Variants in LNP1 observed in about 807,000 individuals in gnomAD.
The protein encoded by LNP1 is leukemia NUP98 fusion partner 1.
Under a neutral mutation model 14.5 loss-of-function variants are expected in LNP1, and 12 were observed. That is an observed-to-expected ratio of 0.83 (90% CI 0.53 to 1.34). LNP1 has a LOEUF of 1.34. Ranked by LOEUF, LNP1 falls within the 40% of genes most tolerant of loss-of-function variation. LNP1 has a pLI of 0.00. For synonymous variants in LNP1, 75 were observed against 71.4 expected (o/e 1.05, Z -0.26); for missense variants, 198 against 210.9 (o/e 0.94, Z 0.38).
intron 2 of LNP1, among the ~76,000 whole-genome samples, chr3:100,434,405 A>G (rs547819591): frequency 6.6e-6 from 1 of 152,070 alleles, no homozygotes; most frequent in Non-Finnish European, 1.5e-5. Flanking sequence ...TGAGTTCTTT[A>G]TTCTGTTCCA....
Position 100,455,254 on chromosome 3 carries a change from A to G in LNP1, c.388-523A>G, listed in dbSNP as rs1481498102. 2.0e-5 allele frequency among the ~76,000 whole-genome samples: 3 copies of G among 152,330 alleles called. No individual in the cohort carries two copies. The South Asian group carries it at 6.2e-4, about 32-fold the overall frequency. The stretch of plus-strand genomic sequence containing the variant: ...ATCCTACAACAACAGTTTATGTTCA[A>G]TTAATCAGTGAATAATGTGGAATCC... On this transcript the variant is annotated intron_variant, in intron 3 of 3. Coordinates refer to ENST00000383693, the MANE Select transcript of LNP1 (RefSeq NM_001085451.2).
chr3:100,446,959 TGGAAA>T (rs1707394097), intron 2 of LNP1, among the ~76,000 whole-genome samples: 1 of 152,144 alleles, frequency 6.6e-6, no homozygotes, highest in Non-Finnish European at 1.5e-5. Context: ...CAACAGGTGC[TGGAAA>T]GGATGTGGAG....
At chr3:100,403,167 TC>T in intron 1 of LNP1, among the ~76,000 whole-genome samples, 1 of 152,372 alleles carries the variant, frequency 6.6e-6, no homozygotes, top group Admixed American at 6.5e-5. Context: ...GGTGAAAACA[TC>T]TACCTCTCAG....
intron 2 of LNP1, among the ~76,000 whole-genome samples, chr3:100,435,817 C>G (rs1408673503): frequency 6.6e-6 from 1 of 152,132 alleles, no homozygotes; most frequent in Admixed American, 6.6e-5. Flanking sequence ...ATGTATGGCC[C>G]ATGTTCACTT....
At chr3:100,415,647 A>G (rs1156614186) in intron 1 of LNP1, among the ~76,000 whole-genome samples, 1 of 152,236 alleles carries the variant, frequency 6.6e-6, no homozygotes, top group African/African-American at 2.4e-5. Flanking sequence ...ACCTCTAGAT[A>G]GACAACACAC....
At chr3:100,419,953 A>G (rs963667989) in intron 1 of LNP1, among the ~76,000 whole-genome samples, 12 of 152,088 alleles carry the variant, frequency 7.9e-5, no homozygotes, top group Non-Finnish European at 1.2e-4. Context: ...CAGGCAAACT[A>G]TTTTTCAAAG....
intron 1 of LNP1, among the ~76,000 whole-genome samples, chr3:100,425,569 T>A (rs1010432037): frequency 7.2e-5 from 11 of 152,362 alleles, no homozygotes; most frequent in African/African-American, 2.4e-4. Context: ...CGGGTTTTTT[T>A]CTTCTTTGCT....
At chr3:100,446,855 C>T (rs1020868389) in intron 2 of LNP1, among the ~76,000 whole-genome samples, 1 of 152,180 alleles carries the variant, frequency 6.6e-6, no homozygotes, top group Non-Finnish European at 1.5e-5. Flanking sequence ...AAAAAATGCT[C>T]ATCATCACTG....
intron 1 of LNP1, among the ~76,000 whole-genome samples, chr3:100,408,581 G>C (rs1445283749): frequency 6.6e-6 from 1 of 152,174 alleles, no homozygotes; most frequent in African/African-American, 2.4e-5. Context: ...GGTGATGTGG[G>C]CTGGAACTCA....
chr3:100,414,780 C>T (rs1001376896), intron 1 of LNP1, among the ~76,000 whole-genome samples: 1 of 152,152 alleles, frequency 6.6e-6, no homozygotes, highest in Non-Finnish European at 1.5e-5. Flanking sequence ...AAACTGAATT[C>T]TTCCAATGAT....
intron 1 of LNP1, among the ~76,000 whole-genome samples, chr3:100,428,987 T>C (rs1403143983): frequency 6.6e-6 from 1 of 152,166 alleles, no homozygotes; most frequent in Non-Finnish European, 1.5e-5. Flanking sequence ...ATGGAGCCAG[T>C]TGGGGTGCTG....
chr3:100,445,805 A>G (rs1290118262), intron 2 of LNP1, among the ~76,000 whole-genome samples: 3 of 152,202 alleles, frequency 2.0e-5, no homozygotes. Flanking sequence ...TATGCCATTA[A>G]CAGACAAACA....
intron 2 of LNP1, among the ~76,000 whole-genome samples, chr3:100,439,694 A>G (rs1707327776): frequency 6.6e-6 from 1 of 152,066 alleles, no homozygotes; most frequent in South Asian, 2.1e-4. Flanking sequence ...GCATTTAGCC[A>G]AGGACGTAGG....
intron 2 of LNP1, among the ~76,000 whole-genome samples, chr3:100,433,229 C>CT (rs2148904293): frequency 6.6e-6 from 1 of 152,292 alleles, no homozygotes; most frequent in South Asian, 2.1e-4. Flanking sequence ...CCTCTACCCT[C>CT]TGATAGGCCC....
intron 1 of LNP1, among the ~76,000 whole-genome samples, chr3:100,413,414 A>G (rs1255241908): frequency 6.6e-6 from 1 of 152,206 alleles, no homozygotes; most frequent in Non-Finnish European, 1.5e-5. Context: ...CAGAAGGAGC[A>G]TCTGCATTTA....
At chr3:100,446,020 C>G (rs1707383887) in intron 2 of LNP1, among the ~76,000 whole-genome samples, 1 of 152,166 alleles carries the variant, frequency 6.6e-6, no homozygotes, top group African/African-American at 2.4e-5. Flanking sequence ...AATGGCCATA[C>G]TGCTCAAAGT....
At chr3:100,452,540 A>C (rs1707470090) in intron 3 of LNP1, among the ~76,000 whole-genome samples, 1 of 151,910 alleles carries the variant, frequency 6.6e-6, no homozygotes, top group Non-Finnish European at 1.5e-5. Flanking sequence ...CATCAACCTT[A>C]TTATAAATAA....
chr3:100,451,796 C>T lies in LNP1; in HGVS notation c.234C>T (p.Cys78=), dbSNP rs368092443. ...RHSHEDQEFR[C]RSHVRDYRKY... ...CTCATGAGGACCAAGAATTTCGATG[C>T]CGTAGCCACGTACGGGATTACAGAA... is the stretch of plus-strand genomic sequence containing the variant. The change falls in exon 3 of 4, where the codon TGC becomes TGT. Residue 78 remains cysteine (C), a synonymous_variant. Coordinates refer to ENST00000383693, the MANE Select transcript of LNP1 (RefSeq NM_001085451.2). 8 of 1,613,764 alleles carry T rather than the reference C, an allele frequency of 5.0e-6. No homozygotes were observed. Among genetic ancestry groups the T allele is most frequent in the Non-Finnish European group, 6.8e-6 (8 of 1,179,622 alleles).
At chr3:100,436,353 T>C (rs906550132) in intron 2 of LNP1, among the ~76,000 whole-genome samples, 2 of 152,196 alleles carry the variant, frequency 1.3e-5, no homozygotes, top group African/African-American at 4.8e-5. Context: ...CATCCCGTCA[T>C]GGCTCAGAAC....
Sources: gnomAD v4.1 joint callset for allele counts (sites outside exome capture counted in the v4.1 genomes callset) on GRCh38, gnomAD v4.1.1 for gene constraint, MANE v1.5 for transcripts, NCBI Gene and HGNC (gene_info 2026-07-23, HGNC 2026-07-21) for gene names.